Variants in CTNNA3 observed in about 807,000 individuals in gnomAD.
CTNNA3 encodes catenin alpha 3, also known as catenin alpha-3.
CTNNA3 carries 76 observed loss-of-function variants against 95.7 expected under a neutral mutation model. That is an observed-to-expected ratio of 0.79 (90% CI 0.66 to 0.96). The LOEUF (loss-of-function observed/expected upper bound fraction) is 0.96, where lower values mean the gene tolerates loss of function less well. CTNNA3 is among the 40% of genes least tolerant of loss of function. The probability of loss-of-function intolerance (pLI) is 0.00; values close to 1 mark genes in which losing one functional copy is unlikely to be tolerated. For synonymous variants in CTNNA3, 431 were observed against 374.4 expected (o/e 1.15, Z -1.74); for missense variants, 1,191 against 1,089.8 (o/e 1.09, Z -1.31).
chr10:65,946,141 A>T (rs919228383), intron 17 of CTNNA3, among the ~76,000 whole-genome samples: 4 of 152,178 alleles, frequency 2.6e-5, no homozygotes, highest in Non-Finnish European at 5.9e-5. Flanking sequence ...TATCTATAAG[A>T]TTGTAATAAT....
intron 7 of CTNNA3, among the ~76,000 whole-genome samples, chr10:67,132,659 G>A (rs542549439): frequency 6.6e-6 from 1 of 151,968 alleles, no homozygotes; most frequent in South Asian, 2.1e-4. Flanking sequence ...TATTAGGCAA[G>A]GAACCAACCT....
intron 5 of CTNNA3, among the ~76,000 whole-genome samples, chr10:67,290,304 G>A (rs1429124688): frequency 4.6e-5 from 7 of 152,116 alleles, no homozygotes; most frequent in Admixed American, 4.6e-4. Flanking sequence ...AGTCTGTTAT[G>A]TAAAGAGAAT....
chr10:67,035,612 G>A (rs1384155707), intron 7 of CTNNA3, among the ~76,000 whole-genome samples: 1 of 152,080 alleles, frequency 6.6e-6, no homozygotes, highest in African/African-American at 2.4e-5. Flanking sequence ...AAGAGAAGCA[G>A]AAATATAAGG....
intron 1 of CTNNA3, among the ~76,000 whole-genome samples, chr10:67,704,793 C>A (rs1187296641): frequency 7.9e-5 from 12 of 152,082 alleles, no homozygotes; most frequent in South Asian, 2.1e-4. Flanking sequence ...TAATTAAACT[C>A]AAGAGCTTCT....
chr10:67,304,595 T>A (rs1052685918), intron 5 of CTNNA3, among the ~76,000 whole-genome samples: 2 of 151,930 alleles, frequency 1.3e-5, no homozygotes, highest in Non-Finnish European at 2.9e-5. Flanking sequence ...CTATTTTTGG[T>A]TTTTTTTCTA....
intron 11 of CTNNA3, among the ~76,000 whole-genome samples, chr10:66,415,177 G>A (rs1320965001): frequency 6.6e-6 from 1 of 152,056 alleles, no homozygotes; most frequent in African/African-American, 2.4e-5. Context: ...ATGCCATCTG[G>A]GGGCCTGAAG....
intron 9 of CTNNA3, among the ~76,000 whole-genome samples, chr10:66,747,495 T>C (rs1048597394): frequency 8.5e-5 from 13 of 152,198 alleles, no homozygotes; most frequent in Admixed American, 7.9e-4. Context: ...AGCAGGTAGC[T>C]TTATAGCTGT....
chr10:67,388,580 A>G (rs1340026593), intron 5 of CTNNA3, among the ~76,000 whole-genome samples: 1 of 146,490 alleles, frequency 6.8e-6, no homozygotes, highest in East Asian at 2.0e-4. Flanking sequence ...ATACTCCTTG[A>G]GAAGAGCAAC....
At chr10:67,418,337 T>C (rs565390201) in intron 5 of CTNNA3, among the ~76,000 whole-genome samples, 1 of 152,174 alleles carries the variant, frequency 6.6e-6, no homozygotes, top group African/African-American at 2.4e-5. Context: ...TACAATATGA[T>C]CCAGAAATCC....
At chr10:66,908,887 G>A (rs1846106740) in intron 7 of CTNNA3, among the ~76,000 whole-genome samples, 1 of 152,128 alleles carries the variant, frequency 6.6e-6, no homozygotes, top group African/African-American at 2.4e-5. Flanking sequence ...GTGTGGAAAT[G>A]TATCTTTTCT....
intron 7 of CTNNA3, among the ~76,000 whole-genome samples, chr10:66,951,814 G>A (rs191022396): frequency 2.6e-5 from 4 of 152,220 alleles, no homozygotes; most frequent in Admixed American, 2.6e-4. Context: ...GTGGAGGTAG[G>A]GGATGCATAC....
intron 6 of CTNNA3, among the ~76,000 whole-genome samples, chr10:67,207,598 T>A (rs1161466637): frequency 1.3e-5 from 2 of 152,118 alleles, no homozygotes; most frequent in African/African-American, 4.8e-5. Flanking sequence ...GACAAGAAGC[T>A]TCTTCTCCAA....
chr10:67,708,888 T>C lies in CTNNA3; in HGVS notation c.-2+54546A>G, dbSNP rs538844589. Among the ~76,000 whole-genome samples, 13 of 152,192 alleles carry C rather than the reference T, an allele frequency of 8.5e-5. No homozygotes were observed. In the East Asian group the frequency reaches 2.5e-3, roughly 29 times the overall value. On this transcript the variant is annotated intron_variant, in intron 1 of 17. Transcript: ENST00000684154. ...TCTTTATAAAACAAATATTTTTGAA[T>C]GTTCCTTTTTAATATCCTGAAATGA... is the stretch of plus-strand genomic sequence containing the variant.
chr10:66,471,123 G>T (rs1839114298), intron 11 of CTNNA3, among the ~76,000 whole-genome samples: 2 of 151,710 alleles, frequency 1.3e-5, no homozygotes, highest in South Asian at 2.1e-4. Flanking sequence ...ATTGTCCATG[G>T]TTCTCTGTTC....
At chr10:66,069,206 C>T (rs915077503) in intron 15 of CTNNA3, 102 bp downstream of exon 15, 1 of 1,132,154 alleles carries the variant, frequency 8.8e-7, no homozygotes, top group South Asian at 1.3e-5. Flanking sequence ...CCCCTACCAC[C>T]TGATTTTTGG....
At chr10:67,173,535 T>A (rs377592588) in intron 7 of CTNNA3, among the ~76,000 whole-genome samples, 2 of 152,308 alleles carry the variant, frequency 1.3e-5, no homozygotes, top group East Asian at 1.9e-4. Context: ...CCAACAAAAC[T>A]TTTTTGTACT....
At chr10:65,924,723 G>T (rs542034445) in intron 17 of CTNNA3, among the ~76,000 whole-genome samples, 7 of 152,076 alleles carry the variant, frequency 4.6e-5, no homozygotes, top group Admixed American at 2.6e-4. Flanking sequence ...TTGTTCTCAC[G>T]CTGCTAATAA....
chr10:66,999,652 G>C (rs546043181), intron 7 of CTNNA3, among the ~76,000 whole-genome samples: 11 of 152,270 alleles, frequency 7.2e-5, no homozygotes, highest in African/African-American at 2.4e-4. Context: ...ATCAGGGTTA[G>C]TTTGGGATGA....
intron 7 of CTNNA3, among the ~76,000 whole-genome samples, chr10:66,851,416 A>C (rs1181819924): frequency 6.6e-6 from 1 of 152,108 alleles, no homozygotes; most frequent in African/African-American, 2.4e-5. Context: ...TGATATAGAT[A>C]GATATTTGGA....
Sources: gnomAD v4.1 joint callset for allele counts (sites outside exome capture counted in the v4.1 genomes callset) on GRCh38, gnomAD v4.1.1 for gene constraint, MANE v1.5 for transcripts, NCBI Gene and HGNC (gene_info 2026-07-23, HGNC 2026-07-21) for gene names.